STAC: variants seen among roughly 807,000 people sequenced by gnomAD.
STAC encodes SH3 and cysteine-rich domain-containing protein.
In STAC, 43 loss-of-function variants were observed where a neutral mutation model predicts 48.8. The observed-to-expected ratio is 0.88, with a 90% confidence interval of 0.69 to 1.14. STAC has a LOEUF of 1.14. Ranked by LOEUF, STAC falls within the 50% of genes most tolerant of loss-of-function variation. The pLI, the probability that STAC is intolerant of heterozygous loss-of-function variation, is 0.00. For synonymous variants in STAC, 193 were observed against 179.5 expected (o/e 1.07, Z -0.60); for missense variants, 497 against 504.0 (o/e 0.99, Z 0.13).
At chr3:36,460,176 T>C (rs1197298327) in intron 2 of STAC, among the ~76,000 whole-genome samples, 3 of 152,076 alleles carry the variant, frequency 2.0e-5, no homozygotes, top group Non-Finnish European at 4.4e-5. Flanking sequence ...ATTCTTGCCC[T>C]ATAGCCTTAG....
At chr3:36,453,154 C>G (rs1377796807) in intron 2 of STAC, among the ~76,000 whole-genome samples, 3 of 152,256 alleles carry the variant, frequency 2.0e-5, no homozygotes, top group Non-Finnish European at 2.9e-5. Context: ...GTTTTTCTTA[C>G]TATGCATATG....
intron 1 of STAC, among the ~76,000 whole-genome samples, chr3:36,441,558 G>C (rs926371526): frequency 1.3e-5 from 2 of 152,068 alleles, no homozygotes; most frequent in South Asian, 4.1e-4. Context: ...ATTAACATGG[G>C]GGTGCAGATG....
In STAC at chr3:36,493,967, G is replaced by A. The variant is rs530654200; in HGVS notation, c.766+738G>A. 1.2e-3 allele frequency among the ~76,000 whole-genome samples: 182 copies of A among 151,376 alleles called. 1 individual carries two copies. The Middle Eastern group carries it at 0.027, about 23-fold the overall frequency. On this transcript the variant is annotated intron_variant, in intron 6 of 10. Transcript: ENST00000273183. Reference sequence around the variant, plus strand: ...AGATCGAGACCATCCTGGCTAACACGGTGAAACCCCGTCTCTACTAAAAAT... The same window carrying A: ...AGATCGAGACCATCCTGGCTAACACAGTGAAACCCCGTCTCTACTAAAAAT...
chr3:36,443,492 C>A lies in STAC; in HGVS notation c.240C>A (p.Ser80Arg), dbSNP rs1696417738. 1 of 1,614,116 alleles carries A rather than the reference C, an allele frequency of 6.2e-7. No homozygotes were observed. Among genetic ancestry groups the A allele is most frequent in the African/African-American group, 1.3e-5 (1 of 74,948 alleles). ...AAGCACACATGGTGGCTGAGATCAGCCCCAGCTCCAGCCCACTCCCTGCTC... is the reference window on the plus strand; with the variant it reads ...AAGCACACATGGTGGCTGAGATCAGACCCAGCTCCAGCCCACTCCCTGCTC... ...KLQAHMVAEISPSSSPLPAPG... is the reference protein window; with the variant it reads ...KLQAHMVAEIRPSSSPLPAPG... The change falls in exon 2 of 11, where the codon AGC becomes AGA. Residue 80 changes from serine (S) to arginine (R), a missense_variant. Ser to Arg is a moderately radical substitution (Grantham distance 110). Coordinates refer to ENST00000273183, the MANE Select transcript of STAC (RefSeq NM_003149.3). The surrounding 1 kb of genome is among the most constrained non-coding windows in gnomAD (Gnocchi z 4.2).
chr3:36,482,723 G>T (rs1697685940), intron 2 of STAC, among the ~76,000 whole-genome samples: 2 of 152,230 alleles, frequency 1.3e-5, no homozygotes, highest in Non-Finnish European at 2.9e-5. Context: ...TCACTAGCTT[G>T]AATTGAGAGA....
chr3:36,388,655 T>C (rs1184239499), intron 1 of STAC, among the ~76,000 whole-genome samples: 2 of 152,018 alleles, frequency 1.3e-5, no homozygotes, highest in Non-Finnish European at 2.9e-5. Flanking sequence ...TTTATATCAT[T>C]ATGTAGTATG....
At chr3:36,407,682 AAAG>A (rs1575179547) in intron 1 of STAC, among the ~76,000 whole-genome samples, 1 of 152,260 alleles carries the variant, frequency 6.6e-6, no homozygotes, top group South Asian at 2.1e-4. Context: ...GGTTTAGCAC[AAAG>A]AAGAAGTTTA....
At chr3:36,424,052 G>A (rs762684773) in intron 1 of STAC, among the ~76,000 whole-genome samples, 2 of 152,136 alleles carry the variant, frequency 1.3e-5, no homozygotes, top group Non-Finnish European at 2.9e-5. Context: ...AGGACAAGGG[G>A]CATGTTGTTG....
intron 2 of STAC, among the ~76,000 whole-genome samples, chr3:36,451,159 G>C (rs1478751997): frequency 1.3e-5 from 2 of 152,038 alleles, no homozygotes; most frequent in Non-Finnish European, 1.5e-5. Context: ...TTCACATGTG[G>C]TTTCTGTGTT....
intron 5 of STAC, among the ~76,000 whole-genome samples, chr3:36,489,888 T>C (rs950847669): frequency 6.6e-6 from 1 of 152,192 alleles, no homozygotes; most frequent in African/African-American, 2.4e-5. Context: ...TCTCAGTGTG[T>C]GGTCTCCGGA....
intron 10 of STAC, among the ~76,000 whole-genome samples, chr3:36,531,259 CAG>C (rs1403854266): frequency 2.6e-5 from 4 of 151,528 alleles, no homozygotes; most frequent in Non-Finnish European, 4.4e-5. Flanking sequence ...CTAAAGTAAA[CAG>C]GGGGAGACTT....
intron 1 of STAC, among the ~76,000 whole-genome samples, chr3:36,390,165 C>T (rs1354482891): frequency 6.6e-6 from 1 of 152,126 alleles, no homozygotes; most frequent in East Asian, 1.9e-4. Context: ...CCACTAGCCA[C>T]TCTAGAAGCC....
intron 1 of STAC, among the ~76,000 whole-genome samples, chr3:36,431,313 C>G (rs1421948432): frequency 6.6e-6 from 1 of 152,208 alleles, no homozygotes; most frequent in Non-Finnish European, 1.5e-5. Context: ...GGACTGTACA[C>G]TTTCTCCCCA....
chr3:36,531,263 G>GTTTACTTTA lies in STAC; in HGVS notation c.1110+2278_1110+2279insTTTACTTTA, dbSNP rs548206740. Among the ~76,000 whole-genome samples the GTTTACTTTA allele has an allele frequency of 2.2e-3, 336 of 152,228 alleles. No homozygotes were observed. In the Middle Eastern group the frequency reaches 0.024, roughly 11 times the overall value. ...AAGAAAATAACCTAAAGTAAACAGG[G>GTTTACTTTA]GGAGACTTTATGCAAAAAGACAGTC... is the stretch of plus-strand genomic sequence containing the variant. On this transcript the variant is annotated intron_variant, in intron 10 of 10. Transcript: ENST00000273183.
chr3:36,466,031 G>C (rs1299131706), intron 2 of STAC, among the ~76,000 whole-genome samples: 2 of 152,056 alleles, frequency 1.3e-5, no homozygotes, highest in African/African-American at 4.8e-5. Flanking sequence ...TATGGTTTCA[G>C]GTCTTAGATT....
chr3:36,533,761 G>T (rs780321112), intron 10 of STAC, among the ~76,000 whole-genome samples: 6 of 152,058 alleles, frequency 3.9e-5, no homozygotes, highest in Middle Eastern at 3.4e-3. Flanking sequence ...AGGAGGTAAG[G>T]CAAACAATTC....
intron 6 of STAC, among the ~76,000 whole-genome samples, chr3:36,497,539 C>A (rs1382526898): frequency 6.6e-6 from 1 of 152,058 alleles, no homozygotes; most frequent in East Asian, 1.9e-4. Flanking sequence ...GAACAATAGA[C>A]AATAAAATGG....
At chr3:36,520,237 A>G (rs374741996) in intron 8 of STAC, among the ~76,000 whole-genome samples, 251 of 152,318 alleles carry the variant, frequency 1.6e-3, no homozygotes, top group African/African-American at 5.7e-3. Context: ...AGAATCTCCT[A>G]AAAAATATTA....
At chr3:36,497,184 A>C (rs997399545) in intron 6 of STAC, among the ~76,000 whole-genome samples, 1 of 152,222 alleles carries the variant, frequency 6.6e-6, no homozygotes, top group Non-Finnish European at 1.5e-5. Flanking sequence ...GGATATTTCT[A>C]CATTACAGAT....
Sources: allele counts gnomAD v4.1 joint callset (sites outside exome capture counted in the v4.1 genomes callset), GRCh38; gene constraint gnomAD v4.1.1; non-coding constraint Gnocchi (gnomAD v3.1); transcripts MANE v1.5; gene names NCBI Gene and HGNC (gene_info 2026-07-23, HGNC 2026-07-21).